Variants in PARVB observed in about 807,000 individuals in gnomAD.
PARVB encodes the protein parvin beta, also known as beta-parvin.
In PARVB, 46 loss-of-function variants were observed where a neutral mutation model predicts 47.0. The ratio of observed to expected loss-of-function variants is 0.98; its 90% CI spans 0.77 to 1.25. PARVB has a LOEUF of 1.25. PARVB is among the 50% of genes most tolerant of loss of function. PARVB has a pLI of 0.00. For missense variants in PARVB, 473 were observed against 471.6 expected (o/e 1.00, Z -0.03); for synonymous variants, 196 against 196.3 (o/e 1.00, Z 0.01).
In PARVB at chr22:44,005,384, A is replaced by G. The variant is rs1248565709; in HGVS notation, c.211+5711A>G. ...TGCCTTGAACTCCCAAAGTGCTGAG[A>G]TTACATGTATGAGGTACCACGCCTG... On this transcript the variant is annotated intron_variant, in intron 2 of 13. Transcript: ENST00000406477. Among the ~76,000 whole-genome samples the G allele has an allele frequency of 2.0e-5, 3 of 148,136 alleles. No individual in the cohort carries two copies. The South Asian group carries it at 6.4e-4, about 32-fold the overall frequency.
At position 44,125,137 on chromosome 22, in the gene PARVB, C is replaced by T. The variant is rs1200415287; in HGVS notation, c.376+5997C>T. Reference sequence around the variant, plus strand: ...GAAGGACACAGTGATGCTTGGACCACATTGTTTGTCCTTATTCATCTGGCC... The same window carrying T: ...GAAGGACACAGTGATGCTTGGACCATATTGTTTGTCCTTATTCATCTGGCC... On this transcript the variant is annotated intron_variant, in intron 4 of 12. Coordinates refer to ENST00000338758, the MANE Select transcript of PARVB (RefSeq NM_013327.5). The surrounding 1 kb of genome is among the most constrained non-coding windows in gnomAD (Gnocchi z 4.1). Among the ~76,000 whole-genome samples the T allele has an allele frequency of 1.3e-5, 2 of 152,132 alleles. No individual in the cohort carries two copies. The highest frequency in any genetic ancestry group is 6.5e-5 in the Admixed American group (1 of 15,280).
chr22:44,027,973 ATT>A (rs1402583971), intron 1 of PARVB, among the ~76,000 whole-genome samples: 1 of 150,604 alleles, frequency 6.6e-6, no homozygotes, highest in African/African-American at 2.4e-5. Flanking sequence ...ACATATATAT[ATT>A]GACGTATATT....
intron 8 of PARVB, 35 bp from the exon 9 acceptor site, chr22:44,147,826 A>C: frequency 3.1e-6 from 5 of 1,603,524 alleles, no homozygotes; most frequent in Non-Finnish European, 4.3e-6. Flanking sequence ...GGTTTCCATA[A>C]ACGCTCCTTC....
At chr22:44,110,738 T>TA (rs2147096383) in intron 3 of PARVB, 1 of 152,262 alleles carries the variant, frequency 6.6e-6, no homozygotes, top group South Asian at 2.1e-4. Flanking sequence ...TAGCTGGAAT[T>TA]ACAGGCATGC....
chr22:44,056,389 C>CG (rs2051312578), intron 1 of PARVB, among the ~76,000 whole-genome samples: 1 of 152,204 alleles, frequency 6.6e-6, no homozygotes, highest in Admixed American at 6.5e-5. Context: ...CAGCGTTGCC[C>CG]GGGTTCGAAT....
chr22:44,091,946 G>A (rs1401017754), intron 1 of PARVB, among the ~76,000 whole-genome samples: 8 of 152,160 alleles, frequency 5.3e-5, no homozygotes, highest in African/African-American at 1.9e-4. Context: ...GAGGGAGGTT[G>A]TGTTGTCCTG....
At position 44,049,153 on chromosome 22, in the gene PARVB, C is replaced by T. The variant is rs541788207; in HGVS notation, c.112+24702C>T. Among the ~76,000 whole-genome samples the T allele has an allele frequency of 2.0e-5, 3 of 152,240 alleles. No individual in the cohort carries two copies. Among genetic ancestry groups the T allele is most frequent in the South Asian group, 2.1e-4 (1 of 4,826 alleles). On this transcript the variant is annotated intron_variant, in intron 1 of 12. Coordinates refer to ENST00000338758, the MANE Select transcript of PARVB (RefSeq NM_013327.5). The surrounding 1 kb of genome is among the most constrained non-coding windows in gnomAD (Gnocchi z 4.0). ...TGAGATGAAAATGAGTCTCATTTTACGATGAGGAAACTGAGGCCCTGAGAG... is the reference window on the plus strand; with the variant it reads ...TGAGATGAAAATGAGTCTCATTTTATGATGAGGAAACTGAGGCCCTGAGAG...
At chr22:44,000,706 T>G (rs1340058515) in intron 2 of PARVB, among the ~76,000 whole-genome samples, 3 of 152,236 alleles carry the variant, frequency 2.0e-5, no homozygotes, top group African/African-American at 7.2e-5. Context: ...GTGAACATTC[T>G]TTGATACTTC....
At chr22:44,086,824 C>G in intron 1 of PARVB, 6 of 985,370 alleles carry the variant, frequency 6.1e-6, no homozygotes, top group Non-Finnish European at 7.2e-6. Context: ...CCTCTGAGTA[C>G]GGATGGAAGT....
At chr22:44,167,920 C>T (rs1256946513) in intron 12 of PARVB, 1 of 152,632 alleles carries the variant, frequency 6.6e-6, no homozygotes, top group African/African-American at 2.4e-5. Context: ...TGCCCAGTGA[C>T]AAGGACAGTT....
chr22:44,046,550 T>C (rs1056690181), intron 1 of PARVB, among the ~76,000 whole-genome samples: 9 of 152,236 alleles, frequency 5.9e-5, no homozygotes, highest in Non-Finnish European at 1.2e-4. Flanking sequence ...TTACTTGGCA[T>C]GTTTGATAGA....
intron 6 of PARVB, 98 bp downstream of exon 6, chr22:44,133,107 C>T (rs962264812): frequency 7.4e-6 from 5 of 679,590 alleles, no homozygotes; most frequent in Admixed American, 3.0e-5. Context: ...TTTTTCCCCC[C>T]AGGAGGCTAC....
chr22:44,026,204 TC>T (rs1164423113), intron 1 of PARVB: 1 of 519,980 alleles, frequency 1.9e-6, no homozygotes, highest in African/African-American at 2.1e-5. Flanking sequence ...GCAGTGCTTC[TC>T]CTCCTTGCCT....
intron 12 of PARVB, among the ~76,000 whole-genome samples, chr22:44,166,457 G>C (rs959562380): frequency 6.6e-6 from 1 of 152,216 alleles, no homozygotes; most frequent in Non-Finnish European, 1.5e-5. Flanking sequence ...CCAGAGGCCA[G>C]GATATCCTCT....
chr22:44,171,077 T>C lies in PARVB; in HGVS notation c.*2399T>C, dbSNP rs932555736. On this transcript the variant is annotated 3_prime_UTR_variant, in exon 13 of 13. Coordinates refer to ENST00000338758, the MANE Select transcript of PARVB (RefSeq NM_013327.5). The stretch of plus-strand genomic sequence containing the variant: ...CAAAAAGCCTGGGGCTGGAACGTTC[T>C]GTGCTGCCTGCATGGCATGTACAGG... 7.9e-5 allele frequency: 12 copies of C among 152,424 alleles called. No homozygotes were observed. The highest frequency in any genetic ancestry group is 7.2e-4 in the Admixed American group (11 of 15,306). 9.4% of individuals were successfully genotyped at this position (152,424 alleles called of 1,614,324 possible). A position where few individuals can be genotyped will look rare whatever the true frequency, so the allele number is the denominator to read the frequency against.
chr22:44,007,286 G>T (rs927832942), intron 2 of PARVB, among the ~76,000 whole-genome samples: 3 of 152,102 alleles, frequency 2.0e-5, no homozygotes, highest in Non-Finnish European at 4.4e-5. Context: ...GTGGGCTGGG[G>T]GGAGTGGAGT....
intron 4 of PARVB, among the ~76,000 whole-genome samples, chr22:44,123,928 T>G (rs1386010594): frequency 6.6e-6 from 1 of 152,254 alleles, no homozygotes; most frequent in Non-Finnish European, 1.5e-5. Flanking sequence ...GGCACAGGTC[T>G]GTCGTCAATA....
At chr22:44,003,287 A>G (rs752459056) in intron 2 of PARVB, among the ~76,000 whole-genome samples, 7 of 152,230 alleles carry the variant, frequency 4.6e-5, no homozygotes, top group Non-Finnish European at 1.0e-4. Context: ...CATAGCCAGA[A>G]ATTACCGTTC....
chr22:44,017,739 C>A (rs1468987779), intron 2 of PARVB, among the ~76,000 whole-genome samples: 1 of 152,176 alleles, frequency 6.6e-6, no homozygotes, highest in Non-Finnish European at 1.5e-5. Context: ...GCCTCTGGAC[C>A]TCGGCTTTTG....
Sources: gnomAD v4.1 joint callset for allele counts (sites outside exome capture counted in the v4.1 genomes callset) on GRCh38, gnomAD v4.1.1 for gene constraint, Gnocchi (gnomAD v3.1) non-coding constraint, MANE v1.5 for transcripts, NCBI Gene and HGNC (gene_info 2026-07-23, HGNC 2026-07-21) for gene names.